The following LRCH1 variants were observed in gnomAD, a reference collection of about 807,000 sequenced individuals.
LRCH1 encodes the protein leucine rich repeats and calponin homology domain containing 1.
LRCH1 carries 23 observed loss-of-function variants against 94.9 expected under a neutral mutation model. The ratio of observed to expected loss-of-function variants is 0.24; its 90% CI spans 0.17 to 0.34. The LOEUF (loss-of-function observed/expected upper bound fraction) is 0.34. Ranked by LOEUF, LRCH1 falls within the 10% of genes least tolerant of loss-of-function variation. LRCH1 has a pLI of 1.00. For missense variants in LRCH1, 790 were observed against 945.9 expected, an observed-to-expected ratio of 0.84 and a Z score of 2.16; for synonymous variants, 364 against 354.9, an observed-to-expected ratio of 1.03 and a Z score of -0.29.
At chr13:46,716,539 CCACAATGCAAA>C (rs1872331478) in intron 16 of LRCH1, among the ~76,000 whole-genome samples, 1 of 152,070 alleles carries the variant, frequency 6.6e-6, no homozygotes, top group Admixed American at 6.6e-5. Flanking sequence ...CAGGGTATAG[CCACAATGCAAA>C]CACAATGGAA....
intron 3 of LRCH1, among the ~76,000 whole-genome samples, chr13:46,676,837 C>T (rs1443342907): frequency 6.6e-6 from 1 of 152,070 alleles, no homozygotes; most frequent in Non-Finnish European, 1.5e-5. Context: ...GAATGCAGTG[C>T]CATGGTCACA....
intron 1 of LRCH1, among the ~76,000 whole-genome samples, chr13:46,554,281 C>G (rs951403094): frequency 6.6e-6 from 1 of 152,244 alleles, no homozygotes; most frequent in Non-Finnish European, 1.5e-5. Flanking sequence ...TCGGGCAACT[C>G]GGTGCCGCCT....
intron 18 of LRCH1, among the ~76,000 whole-genome samples, chr13:46,750,094 A>G (rs1280132034): frequency 6.6e-6 from 1 of 152,222 alleles, no homozygotes; most frequent in South Asian, 2.1e-4. Context: ...AGGAAGTAAA[A>G]TGAACTCAAT....
At chr13:46,738,910 G>GA (rs1873520887) in intron 19 of LRCH1, among the ~76,000 whole-genome samples, 1 of 152,084 alleles carries the variant, frequency 6.6e-6, no homozygotes, top group South Asian at 2.1e-4. Flanking sequence ...ATTTGGAGAA[G>GA]ACTGGAAATC....
intron 1 of LRCH1, among the ~76,000 whole-genome samples, chr13:46,608,590 G>A (rs1264018773): frequency 6.6e-6 from 1 of 152,166 alleles, no homozygotes; most frequent in Non-Finnish European, 1.5e-5. Context: ...TTTACAGATT[G>A]GAGGGTTTTT....
rs1287135461 is a variant in LRCH1, at chr13:46,744,408, A to G, written c.*2560A>G. On this transcript the variant is annotated 3_prime_UTR_variant, in exon 20 of 20. Coordinates refer to ENST00000389797, the MANE Select transcript of LRCH1 (RefSeq NM_001164211.2). ...TCTCCAGTTTCTCCAACTGGTGGCA[A>G]CTCTCCACTCAGTGTCAGGAATTCC... The G allele has an allele frequency of 1.4e-5, 14 of 985,008 alleles. No individual in the cohort carries two copies. The highest frequency in any genetic ancestry group is 1.7e-5 in the Non-Finnish European group (14 of 829,906). The allele number at this position is 985,008 out of a possible 1,614,324, so 61.0% of individuals were successfully genotyped here.
intron 1 of LRCH1, among the ~76,000 whole-genome samples, chr13:46,640,666 C>T (rs966177919): frequency 3.3e-5 from 5 of 152,174 alleles, no homozygotes; most frequent in Admixed American, 1.3e-4. Context: ...GAACAAAGCT[C>T]CTAATCTTCA....
intron 3 of LRCH1, among the ~76,000 whole-genome samples, chr13:46,677,441 A>T (rs1175605846): frequency 6.6e-6 from 1 of 152,164 alleles, no homozygotes; most frequent in Non-Finnish European, 1.5e-5. Context: ...AAACAAAACA[A>T]AACAAAAAAA....
intron 2 of LRCH1, among the ~76,000 whole-genome samples, chr13:46,657,752 C>T (rs1165479744): frequency 6.1e-5 from 8 of 130,610 alleles, no homozygotes; most frequent in Non-Finnish European, 1.1e-4. Flanking sequence ...TGGTTTCGAG[C>T]TCCTGGGCTC....
intron 9 of LRCH1, among the ~76,000 whole-genome samples, chr13:46,695,251 A>G (rs1871122046): frequency 6.6e-6 from 1 of 152,118 alleles, no homozygotes; most frequent in African/African-American, 2.4e-5. Context: ...TCTTTCCGCT[A>G]CTCAGTGCAT....
chr13:46,602,815 C>T (rs946497090), intron 1 of LRCH1, among the ~76,000 whole-genome samples: 2 of 151,988 alleles, frequency 1.3e-5, no homozygotes, highest in African/African-American at 2.4e-5. Flanking sequence ...TAGCTGACTG[C>T]GGTGGTGCCT....
intron 1 of LRCH1, among the ~76,000 whole-genome samples, chr13:46,623,945 G>A (rs188228241): frequency 7.9e-4 from 117 of 147,736 alleles, no homozygotes; most frequent in African/African-American, 2.8e-3. Flanking sequence ...GTACAGTGGT[G>A]CAGTTATAGC....
intron 16 of LRCH1, chr13:46,717,435 G>A (rs1169303434): frequency 1.3e-5 from 2 of 152,218 alleles, no homozygotes; most frequent in African/African-American, 2.4e-5. Flanking sequence ...CGGTTCAGTC[G>A]ATCATGTCAG....
Position 46,687,967 on chromosome 13 carries a change from A to G in LRCH1, c.938A>G (p.His313Arg). The G allele has an allele frequency of 6.2e-7, 1 of 1,611,762 alleles. No individual in the cohort carries two copies. The highest frequency in any genetic ancestry group is 8.5e-7 in the Non-Finnish European group (1 of 1,178,962). Residue 313 changes from histidine (H) to arginine (R), a missense_variant, in exon 6 of 20, where the codon CAC becomes CGC. This residue lies in a region of LRCH1 where 194 missense variants were observed against 293.5 expected (regional missense o/e 0.66). Transcript: ENST00000389797. Reference sequence around the variant, plus strand: ...ATGGAGAGGCCACATTTACACCAGCACGTGGAAGATGGGTGAGTCATGCCC... The same window carrying G: ...ATGGAGAGGCCACATTTACACCAGCGCGTGGAAGATGGGTGAGTCATGCCC... ...HTMERPHLHQHVEDGKKDSDS... is the reference protein window; with the variant it reads ...HTMERPHLHQRVEDGKKDSDS...
In LRCH1 at chr13:46,592,024, C is replaced by T. The variant is rs2050505117; in HGVS notation, c.307+38321C>T. 2.6e-5 allele frequency among the ~76,000 whole-genome samples: 4 copies of T among 152,182 alleles called. No individual in the cohort carries two copies. The South Asian group carries it at 6.2e-4, about 24-fold the overall frequency. ...AAATAGAGTATTGTTTTAAAACTGT[C>T]AGCATAGGCAGAACTTCTCATCCAG... On this transcript the variant is annotated intron_variant, in intron 1 of 19. Transcript: ENST00000389797.
intron 11 of LRCH1, among the ~76,000 whole-genome samples, chr13:46,703,066 T>C (rs1006708700): frequency 5.3e-5 from 8 of 152,186 alleles, no homozygotes; most frequent in African/African-American, 1.7e-4. Flanking sequence ...AATCAAGGTA[T>C]GTTCAAAGAG....
rs1314816715 is a variant in LRCH1 at position 46,573,872 on chromosome 13, T to A, written c.307+20169T>A. ...TATATATATATATATATATATTTTTTTTTTTTTTGAGATGGAGTCTTACTC... is the reference window on the plus strand; with the variant it reads ...TATATATATATATATATATATTTTTATTTTTTTTGAGATGGAGTCTTACTC... On this transcript the variant is annotated intron_variant, in intron 1 of 19. Coordinates refer to ENST00000389797, the MANE Select transcript of LRCH1 (RefSeq NM_001164211.2). Among the ~76,000 whole-genome samples the A allele has an allele frequency of 6.3e-4, 34 of 54,246 alleles. 1 individual carries two copies. The highest frequency in any genetic ancestry group is 8.6e-4 in the East Asian group (1 of 1,168). 35.6% of individuals were successfully genotyped at this position (54,246 alleles called of 152,430 possible).
At chr13:46,684,614 C>T (rs1291494761) in intron 4 of LRCH1, among the ~76,000 whole-genome samples, 1 of 152,162 alleles carries the variant, frequency 6.6e-6, no homozygotes, top group Non-Finnish European at 1.5e-5. Context: ...AGGTGTTCCT[C>T]TTATCATGGA....
At chr13:46,569,260 A>G (rs2050216801) in intron 1 of LRCH1, among the ~76,000 whole-genome samples, 1 of 152,118 alleles carries the variant, frequency 6.6e-6, no homozygotes, top group Non-Finnish European at 1.5e-5. Context: ...TTGCGCACCT[A>G]CTGGATGTCA....
Sources: gnomAD v4.1 joint callset for allele counts (sites outside exome capture counted in the v4.1 genomes callset) on GRCh38, gnomAD v4.1.1 for gene constraint, gnomAD v4.1.1 regional missense constraint, MANE v1.5 for transcripts, NCBI Gene and HGNC (gene_info 2026-07-23, HGNC 2026-07-21) for gene names.